Variants in PGM5 observed in about 807,000 individuals in gnomAD.
The protein encoded by PGM5 is phosphoglucomutase-like protein 5.
PGM5 carries 23 observed loss-of-function variants against 59.2 expected under a neutral mutation model. The observed-to-expected ratio is 0.39, with a 90% CI of 0.28 to 0.55. The LOEUF is 0.55. Ranked by LOEUF, PGM5 falls within the 20% of genes least tolerant of loss-of-function variation. PGM5 has a pLI of 0.66. For missense variants in PGM5, 574 were observed against 748.3 expected (o/e 0.77, Z 2.72); for synonymous variants, 214 against 286.0 (o/e 0.75, Z 2.54).
At chr9:68,491,906 A>G (rs1030929134) in intron 9 of PGM5, among the ~76,000 whole-genome samples, 2 of 152,306 alleles carry the variant, frequency 1.3e-5, no homozygotes, top group East Asian at 3.9e-4. Flanking sequence ...GGAAGTTCTC[A>G]TCTCCCTGTT....
chr9:68,410,771 TG>T (rs1412624898), intron 6 of PGM5, among the ~76,000 whole-genome samples: 1 of 152,200 alleles, frequency 6.6e-6, no homozygotes, highest in African/African-American at 2.4e-5. Context: ...ACAAGGTTTT[TG>T]GGAAGCAATG....
At chr9:68,359,932 C>G (rs1554676153) in intron 1 of PGM5, among the ~76,000 whole-genome samples, 7 of 152,152 alleles carry the variant, frequency 4.6e-5, no homozygotes, top group Non-Finnish European at 1.0e-4. Flanking sequence ...TAGCCTTGAC[C>G]TCCCCAGATT....
intron 10 of PGM5, among the ~76,000 whole-genome samples, chr9:68,501,851 G>T (rs1587220251): frequency 6.6e-6 from 1 of 152,114 alleles, no homozygotes; most frequent in African/African-American, 2.4e-5. Flanking sequence ...CAGACATTTT[G>T]AACACATGTG....
At chr9:68,503,502 A>G (rs1390357240) in intron 10 of PGM5, among the ~76,000 whole-genome samples, 2 of 152,262 alleles carry the variant, frequency 1.3e-5, no homozygotes, top group Admixed American at 1.3e-4. Flanking sequence ...ATAAGGTTGA[A>G]AAATCATTAA....
intron 6 of PGM5, among the ~76,000 whole-genome samples, chr9:68,423,799 G>C (rs574200954): frequency 1.3e-5 from 2 of 152,116 alleles, no homozygotes; most frequent in East Asian, 3.9e-4. Flanking sequence ...CATGGGAAAA[G>C]TGTGGTCACG....
At chr9:68,521,237 A>G (rs1414503945) in intron 10 of PGM5, among the ~76,000 whole-genome samples, 2 of 152,244 alleles carry the variant, frequency 1.3e-5, no homozygotes, top group East Asian at 1.9e-4. Context: ...GATTAATTCA[A>G]TACATGAATT....
chr9:68,410,701 A>G (rs748560897), intron 6 of PGM5, among the ~76,000 whole-genome samples: 109 of 152,176 alleles, frequency 7.2e-4, no homozygotes, highest in Non-Finnish European at 1.3e-3. Flanking sequence ...GAGTGGGCAA[A>G]CCTCTGAGGC....
At chr9:68,379,477 C>T (rs868989697) in intron 2 of PGM5, among the ~76,000 whole-genome samples, 2 of 152,004 alleles carry the variant, frequency 1.3e-5, no homozygotes, top group Non-Finnish European at 2.9e-5. Flanking sequence ...ATATTGTAAC[C>T]ACAAAGCAGA....
chr9:68,439,753 G>A (rs7862924), intron 6 of PGM5, among the ~76,000 whole-genome samples: 3,539 of 151,000 alleles, frequency 0.023, 126 homozygotes, highest in African/African-American at 0.079. Flanking sequence ...GAACGTGTAT[G>A]GCAGAACAGA....
chr9:68,383,953 T>C (rs1563987775), intron 2 of PGM5, among the ~76,000 whole-genome samples: 1 of 151,920 alleles, frequency 6.6e-6, no homozygotes. Flanking sequence ...ATCAATTAGG[T>C]AGCAGAGCTG....
chr9:68,496,438 A>C (rs1554688162), intron 9 of PGM5, among the ~76,000 whole-genome samples: 1 of 152,250 alleles, frequency 6.6e-6, no homozygotes, highest in East Asian at 1.9e-4. Flanking sequence ...AGGAGAATTA[A>C]TGATGTTCCT....
At chr9:68,357,513 C>T in intron 1 of PGM5, 125 bp downstream of exon 1, 1 of 1,488,686 alleles carries the variant, frequency 6.7e-7, no homozygotes, top group Non-Finnish European at 8.9e-7. Context: ...TGCTACCTCA[C>T]TCCCGCGTCC....
At chr9:68,480,293 C>T (rs1156338778) in intron 8 of PGM5, among the ~76,000 whole-genome samples, 2 of 152,190 alleles carry the variant, frequency 1.3e-5, no homozygotes, top group Non-Finnish European at 2.9e-5. Flanking sequence ...CTCTCTCTAC[C>T]TCTTTCTTAC....
chr9:68,379,506 A>G (rs1372351429), intron 2 of PGM5, among the ~76,000 whole-genome samples: 4 of 152,186 alleles, frequency 2.6e-5, no homozygotes, highest in Admixed American at 6.5e-5. Flanking sequence ...CCACCAAACT[A>G]CAAAGGTAGA....
intron 6 of PGM5, among the ~76,000 whole-genome samples, chr9:68,401,989 G>A (rs1416449854): frequency 1.8e-4 from 27 of 151,944 alleles, no homozygotes; most frequent in Admixed American, 4.6e-4. Context: ...TTGGCTGGGC[G>A]CGGTGGCTCA....
intron 9 of PGM5, among the ~76,000 whole-genome samples, chr9:68,488,797 T>C (rs1824340218): frequency 6.6e-6 from 1 of 152,230 alleles, no homozygotes; most frequent in Admixed American, 6.5e-5. Context: ...TATGTCACTA[T>C]TTTCAAGTGA....
At chr9:68,495,710 T>C (rs1412437643) in intron 9 of PGM5, among the ~76,000 whole-genome samples, 1 of 152,246 alleles carries the variant, frequency 6.6e-6, no homozygotes, top group Non-Finnish European at 1.5e-5. Flanking sequence ...GGTGAACCTA[T>C]GACTAGAAGC....
chr9:68,370,387 A>G (rs448554), intron 1 of PGM5, among the ~76,000 whole-genome samples: 1,901 of 152,256 alleles, frequency 0.012, 40 homozygotes, highest in African/African-American at 0.044. Context: ...GTTATGTCAC[A>G]GGAAAAACTC....
chr9:68,476,717 A>G (rs1299701781), intron 7 of PGM5, among the ~76,000 whole-genome samples: 1 of 152,228 alleles, frequency 6.6e-6, no homozygotes, highest in Non-Finnish European at 1.5e-5. Context: ...TAATCTTGGC[A>G]AATGTTTAAC....
Sources: allele counts gnomAD v4.1 joint callset (sites outside exome capture counted in the v4.1 genomes callset), GRCh38; gene constraint gnomAD v4.1.1; transcripts MANE v1.5; gene names NCBI Gene and HGNC (gene_info 2026-07-23, HGNC 2026-07-21).